MYLK: variants seen among roughly 807,000 people sequenced by gnomAD.
The protein encoded by MYLK is myosin light chain kinase, smooth muscle.
In MYLK, 106 loss-of-function variants were observed where a neutral mutation model predicts 203.4. The ratio of observed to expected loss-of-function variants is 0.52; its 90% CI spans 0.45 to 0.61. The LOEUF (loss-of-function observed/expected upper bound fraction) is 0.61. Ranked by LOEUF, MYLK falls within the 20% of genes least tolerant of loss-of-function variation. The pLI is 0.00. For synonymous variants in MYLK, 867 were observed against 959.5 expected (o/e 0.90, Z 1.78); for missense variants, 2,072 against 2,442.3 (o/e 0.85, Z 3.20).
At chr3:123,682,610 T>C (rs1273300168) in intron 19 of MYLK, among the ~76,000 whole-genome samples, 1 of 152,212 alleles carries the variant, frequency 6.6e-6, no homozygotes, top group Non-Finnish European at 1.5e-5. Context: ...ATGCCATTGC[T>C]GGCAGAGTCA....
intron 4 of MYLK, among the ~76,000 whole-genome samples, chr3:123,771,116 A>G (rs1385022635): frequency 6.6e-6 from 1 of 152,256 alleles, no homozygotes; most frequent in Non-Finnish European, 1.5e-5. Flanking sequence ...TGTGCTACAA[A>G]TACAGAGCTT....
In MYLK at chr3:123,762,946, T is replaced by G. The variant is rs569097756; in HGVS notation, c.166-10408A>C. ...TTGTTATAGCAGCACAAACTTTAAA[T>G]GGACTAAGACAATCTCTTAAGTTCT... On this transcript the variant is annotated intron_variant, in intron 4 of 33. Coordinates refer to ENST00000360304, the MANE Select transcript of MYLK (RefSeq NM_053025.4). Among the ~76,000 whole-genome samples the G allele has an allele frequency of 2.0e-5, 3 of 152,336 alleles. No homozygotes were observed. In the Middle Eastern group the frequency reaches 0.01, roughly 518 times the overall value.
At chr3:123,724,139 CTTTTTT>C (rs5852359) in intron 12 of MYLK, among the ~76,000 whole-genome samples, 4 of 80,850 alleles carry the variant, frequency 4.9e-5, no homozygotes, top group African/African-American at 1.1e-4. Context: ...CTAAGTTTTG[CTTTTTT>C]TTTTTTTTTT....
chr3:123,811,057 G>A (rs929875478), intron 3 of MYLK, among the ~76,000 whole-genome samples: 2 of 152,182 alleles, frequency 1.3e-5, no homozygotes, highest in African/African-American at 4.8e-5. Flanking sequence ...AAGAAATGGT[G>A]ACCTCTGAGA....
chr3:123,650,392 A>G (rs2108211704), intron 24 of MYLK, among the ~76,000 whole-genome samples: 1 of 152,174 alleles, frequency 6.6e-6, no homozygotes, highest in East Asian at 1.9e-4. Context: ...GAGGGAGGAA[A>G]AGGATTTTTA....
intron 23 of MYLK, among the ~76,000 whole-genome samples, chr3:123,663,524 G>A (rs1270594636): frequency 6.6e-6 from 1 of 152,166 alleles, no homozygotes; most frequent in South Asian, 2.1e-4. Context: ...CATTGCAGGA[G>A]TTATTAATGC....
chr3:123,815,981 C>A (rs1045861302), intron 3 of MYLK, among the ~76,000 whole-genome samples: 2 of 152,228 alleles, frequency 1.3e-5, no homozygotes, highest in African/African-American at 4.8e-5. Flanking sequence ...TCAGATTCTG[C>A]AGATCAAGGC....
chr3:123,774,767 G>A (rs901471230), intron 4 of MYLK, among the ~76,000 whole-genome samples: 4 of 152,008 alleles, frequency 2.6e-5, no homozygotes, highest in Non-Finnish European at 4.4e-5. Flanking sequence ...GAATGAAACC[G>A]GCCTTCTTCA....
chr3:123,812,429 G>A (rs570300271), intron 3 of MYLK, among the ~76,000 whole-genome samples: 1 of 152,292 alleles, frequency 6.6e-6, no homozygotes, highest in African/African-American at 2.4e-5. Context: ...GCCCATGCTT[G>A]CTCAGGTGTC....
chr3:123,683,212 G>A (rs914384261), intron 19 of MYLK, among the ~76,000 whole-genome samples: 16 of 151,558 alleles, frequency 1.1e-4, no homozygotes, highest in African/African-American at 3.9e-4. Flanking sequence ...TTTGGGGACG[G>A]CGCTGAGAGA....
At position 123,671,260 on chromosome 3, in the gene MYLK, C is replaced by G. The variant is rs541037161; in HGVS notation, c.3653-4073G>C. 2.0e-5 allele frequency among the ~76,000 whole-genome samples: 3 copies of G among 152,290 alleles called. No individual in the cohort carries two copies. The South Asian group carries it at 6.2e-4, about 32-fold the overall frequency. On this transcript the variant is annotated intron_variant, in intron 20 of 33. Transcript: ENST00000360304. Reference sequence around the variant, plus strand: ...TGTTTGTAGGTTAGAAGCCCAGGATCAGAATTCCAGAGGGAAGTTTGTGGA... The same window carrying G: ...TGTTTGTAGGTTAGAAGCCCAGGATGAGAATTCCAGAGGGAAGTTTGTGGA...
Position 123,648,360 on chromosome 3 carries a change from C to T in MYLK, c.4415+611G>A, listed in dbSNP as rs1201173767. ...CTGCGCGTTTAATGGAGCACTAACG[C>T]AGGCATTGCTTTACAGTGAGCACTG... On this transcript the variant is annotated intron_variant, in intron 26 of 33. Coordinates refer to ENST00000360304, the MANE Select transcript of MYLK (RefSeq NM_053025.4). The surrounding 1 kb of genome is among the most constrained non-coding windows in gnomAD (Gnocchi z 4.5). Among the ~76,000 whole-genome samples, 1 of 152,234 alleles carries T rather than the reference C, an allele frequency of 6.6e-6. No homozygotes were observed. Among genetic ancestry groups the T allele is most frequent in the Non-Finnish European group, 1.5e-5 (1 of 68,038 alleles).
In MYLK at chr3:123,866,893, A is replaced by G. The variant is rs77202677; in HGVS notation, c.-127+9666T>C. ...ACCCTTCAATGGGGAAACTGAGGCC[A>G]TGGTGTTCCAGGTAGCCTGAGACTT... On this transcript the variant is annotated intron_variant, in intron 2 of 33. Transcript: ENST00000360304. Among the ~76,000 whole-genome samples the G allele has an allele frequency of 6.0e-4, 91 of 152,244 alleles. 2 individuals are homozygous for G. The South Asian group carries it at 0.011, about 18-fold the overall frequency.
At chr3:123,877,211 C>T (rs1224951228) in intron 1 of MYLK, among the ~76,000 whole-genome samples, 1 of 152,062 alleles carries the variant, frequency 6.6e-6, no homozygotes, top group Non-Finnish European at 1.5e-5. Flanking sequence ...GTAGTGGGAT[C>T]AAGGAGTGTG....
chr3:123,762,332 G>A (rs770885382), intron 4 of MYLK, among the ~76,000 whole-genome samples: 6 of 151,470 alleles, frequency 4.0e-5, no homozygotes, highest in East Asian at 1.9e-4. Flanking sequence ...ATGCTCAAGC[G>A]ATCCTCCCAC....
intron 2 of MYLK, among the ~76,000 whole-genome samples, chr3:123,849,322 A>G (rs2030449406): frequency 6.6e-6 from 1 of 152,212 alleles, no homozygotes; most frequent in East Asian, 1.9e-4. Flanking sequence ...ATTTAAGGCC[A>G]TAAATTTTCC....
At chr3:123,773,003 T>C (rs958685459) in intron 4 of MYLK, among the ~76,000 whole-genome samples, 4 of 152,082 alleles carry the variant, frequency 2.6e-5, no homozygotes, top group Non-Finnish European at 5.9e-5. Context: ...CTTAAAAAGA[T>C]TCAATAATTC....
In MYLK at chr3:123,672,975, A is replaced by G. The variant is rs558526895; in HGVS notation, c.3653-5788T>C. Among the ~76,000 whole-genome samples, 399 of 152,236 alleles carry G rather than the reference A, an allele frequency of 2.6e-3. 3 individuals are homozygous for G. Among genetic ancestry groups the G allele is most frequent in the African/African-American group, 9.3e-3 (388 of 41,538 alleles). ...TCATAATGTTTCCATTTTATGAAAA[A>G]GGAGATGGCATCTCATAAAAGTCTG... is the stretch of plus-strand genomic sequence containing the variant. On this transcript the variant is annotated intron_variant, in intron 20 of 33. Transcript: ENST00000360304.
intron 4 of MYLK, among the ~76,000 whole-genome samples, chr3:123,755,135 G>A (rs1439003988): frequency 2.6e-5 from 4 of 152,202 alleles, no homozygotes; most frequent in Admixed American, 2.0e-4. Flanking sequence ...GGCAGGGCTG[G>A]TCTACCCAGG....
Sources: gnomAD v4.1 joint callset for allele counts (sites outside exome capture counted in the v4.1 genomes callset) on GRCh38, gnomAD v4.1.1 for gene constraint, Gnocchi (gnomAD v3.1) non-coding constraint, MANE v1.5 for transcripts, NCBI Gene and HGNC (gene_info 2026-07-23, HGNC 2026-07-21) for gene names.